Variants in ADAMTS12 observed in about 807,000 individuals in gnomAD.
ADAMTS12 encodes the protein ADAM metallopeptidase with thrombospondin type 1 motif 12.
Under a neutral mutation model 167.8 loss-of-function variants are expected in ADAMTS12, and 118 were observed. The observed-to-expected ratio is 0.70, with a 90% CI of 0.61 to 0.82. The LOEUF (loss-of-function observed/expected upper bound fraction) is 0.82, where lower values mean the gene tolerates loss of function less well. Among genes scored for constraint, ADAMTS12 ranks in the 40% least tolerant of loss-of-function variants. The probability of loss-of-function intolerance (pLI) is 0.00; values close to 1 mark genes in which losing one functional copy is unlikely to be tolerated. For missense variants in ADAMTS12, 1,916 were observed against 1,998.8 expected, an observed-to-expected ratio of 0.96 and a Z score of 0.79; for synonymous variants, 704 against 716.9, an observed-to-expected ratio of 0.98 and a Z score of 0.29.
At chr5:33,736,652 C>T (rs1449787349) in intron 3 of ADAMTS12, among the ~76,000 whole-genome samples, 2 of 152,196 alleles carry the variant, frequency 1.3e-5, no homozygotes, top group Non-Finnish European at 2.9e-5. Flanking sequence ...ATAATGATGC[C>T]TGACCACTGT....
At chr5:33,584,298 T>C (rs955446829) in intron 18 of ADAMTS12, among the ~76,000 whole-genome samples, 1 of 152,188 alleles carries the variant, frequency 6.6e-6, no homozygotes, top group African/African-American at 2.4e-5. Context: ...CCTATTAATA[T>C]GTAATTAAAT....
intron 2 of ADAMTS12, among the ~76,000 whole-genome samples, chr5:33,810,305 T>A (rs1747407195): frequency 1.3e-5 from 2 of 152,312 alleles, no homozygotes; most frequent in African/African-American, 2.4e-5. Flanking sequence ...TTGGATTGTA[T>A]CCCTCTAAAA....
At chr5:33,709,749 T>C (rs1743327640) in intron 3 of ADAMTS12, among the ~76,000 whole-genome samples, 1 of 152,060 alleles carries the variant, frequency 6.6e-6, no homozygotes, top group Non-Finnish European at 1.5e-5. Flanking sequence ...AAGTAGCTAA[T>C]GCATGCTGCG....
intron 3 of ADAMTS12, among the ~76,000 whole-genome samples, chr5:33,701,919 C>G (rs897545999): frequency 5.3e-5 from 8 of 152,192 alleles, no homozygotes; most frequent in African/African-American, 1.9e-4. Context: ...CCTAAAACAT[C>G]CTCATCATTT....
intron 22 of ADAMTS12, among the ~76,000 whole-genome samples, chr5:33,535,339 G>GGT (rs1454203970): frequency 6.6e-6 from 1 of 152,186 alleles, no homozygotes; most frequent in Admixed American, 6.5e-5. Context: ...CAGCCACCTG[G>GGT]CCACACATGA....
intron 5 of ADAMTS12, among the ~76,000 whole-genome samples, chr5:33,678,058 A>C (rs1741983625): frequency 6.6e-6 from 1 of 152,224 alleles, no homozygotes; most frequent in Non-Finnish European, 1.5e-5. Context: ...AATAAGAACG[A>C]CAAGAGTGAT....
In ADAMTS12 at chr5:33,526,976, C is replaced by G; in HGVS notation, c.*212G>C. ...CTGCCTGATTCTCCTAGCTATTTCA[C>G]CTTCCTATCAGGGAGCAGCAAGTAC... is the stretch of plus-strand genomic sequence containing the variant. On this transcript the variant is annotated 3_prime_UTR_variant, in exon 24 of 24. Coordinates refer to ENST00000504830, the MANE Select transcript of ADAMTS12 (RefSeq NM_030955.4). 1 of 563,412 alleles carries G rather than the reference C, an allele frequency of 1.8e-6. No individual in the cohort carries two copies. The highest frequency in any genetic ancestry group is 2.6e-5 in the South Asian group (1 of 38,408). The allele number at this position is 563,412 out of a possible 1,614,324, so 34.9% of individuals were successfully genotyped here.
intron 5 of ADAMTS12, among the ~76,000 whole-genome samples, chr5:33,666,626 G>A (rs1741479776): frequency 1.3e-5 from 2 of 152,138 alleles, no homozygotes; most frequent in Admixed American, 1.3e-4. Flanking sequence ...CCTAGTAGCT[G>A]AGACTACAGG....
chr5:33,640,318 T>C (rs1401866737), intron 11 of ADAMTS12, among the ~76,000 whole-genome samples: 2 of 152,196 alleles, frequency 1.3e-5, no homozygotes, highest in African/African-American at 2.4e-5. Context: ...GAACTACCTT[T>C]CTCCTGAAGC....
chr5:33,789,206 C>T (rs1746439034), intron 2 of ADAMTS12, among the ~76,000 whole-genome samples: 1 of 152,222 alleles, frequency 6.6e-6, no homozygotes, highest in South Asian at 2.1e-4. Flanking sequence ...AAGGAGAGAG[C>T]CTGACGGCTG....
At chr5:33,744,182 T>C (rs555816014) in intron 3 of ADAMTS12, among the ~76,000 whole-genome samples, 4 of 152,160 alleles carry the variant, frequency 2.6e-5, no homozygotes, top group Non-Finnish European at 5.9e-5. Context: ...GGGAAAGACA[T>C]AGGCAGATAC....
chr5:33,754,570 C>T lies in ADAMTS12; in HGVS notation c.490-3022G>A, dbSNP rs1392448617. 3.2e-4 allele frequency among the ~76,000 whole-genome samples: 49 copies of T among 152,340 alleles called. 1 individual carries two copies. The highest frequency in any genetic ancestry group is 1.2e-4 in the Non-Finnish European group (8 of 68,022). On this transcript the variant is annotated intron_variant, in intron 2 of 23. Coordinates refer to ENST00000504830, the MANE Select transcript of ADAMTS12 (RefSeq NM_030955.4). ...TAAGTTAAAAACATCTGGCTGGGCA[C>T]GGTGGCTCATGCCTGTAATCCCAGC...
chr5:33,549,616 G>A (rs1342123500), intron 20 of ADAMTS12, among the ~76,000 whole-genome samples: 1 of 152,224 alleles, frequency 6.6e-6, no homozygotes, highest in Non-Finnish European at 1.5e-5. Context: ...TTGAGCCCTT[G>A]GGCCTGTCAC....
intron 3 of ADAMTS12, among the ~76,000 whole-genome samples, chr5:33,720,897 A>T (rs929837345): frequency 2.0e-5 from 3 of 152,216 alleles, no homozygotes; most frequent in Non-Finnish European, 4.4e-5. Flanking sequence ...TCTCAAAAGC[A>T]TGTACACATT....
At chr5:33,850,625 C>T (rs761878369) in intron 2 of ADAMTS12, among the ~76,000 whole-genome samples, 1 of 152,218 alleles carries the variant, frequency 6.6e-6, no homozygotes, top group Non-Finnish European at 1.5e-5. Context: ...GTCCACAGCA[C>T]AGAAAATGTT....
chr5:33,845,739 G>A (rs1369357693), intron 2 of ADAMTS12, among the ~76,000 whole-genome samples: 1 of 152,220 alleles, frequency 6.6e-6, no homozygotes, highest in Non-Finnish European at 1.5e-5. Context: ...AGACAAATCA[G>A]AAGTATGTGA....
intron 18 of ADAMTS12, among the ~76,000 whole-genome samples, chr5:33,581,618 A>G (rs1747070767): frequency 1.3e-5 from 2 of 152,230 alleles, no homozygotes. Context: ...TCAGAAATTT[A>G]TAAATGAATA....
At chr5:33,660,273 T>C (rs79067749) in intron 6 of ADAMTS12, among the ~76,000 whole-genome samples, 4 of 152,204 alleles carry the variant, frequency 2.6e-5, no homozygotes, top group Admixed American at 1.3e-4. Context: ...GTTATGGCTG[T>C]TGGGGTCAAA....
intron 3 of ADAMTS12, among the ~76,000 whole-genome samples, chr5:33,691,392 C>T (rs1318597449): frequency 6.6e-6 from 1 of 152,112 alleles, no homozygotes; most frequent in Non-Finnish European, 1.5e-5. Flanking sequence ...TCAATGAATA[C>T]TAAAGTCTTT....
Sources: gnomAD v4.1 joint callset for allele counts (sites outside exome capture counted in the v4.1 genomes callset) on GRCh38, gnomAD v4.1.1 for gene constraint, MANE v1.5 for transcripts, NCBI Gene and HGNC (gene_info 2026-07-23, HGNC 2026-07-21) for gene names.